Variants in EYA2 observed in about 807,000 individuals in gnomAD.
EYA2 encodes the protein protein phosphatase EYA2.
Under a neutral mutation model 69.2 loss-of-function variants are expected in EYA2, and 31 were observed. The ratio of observed to expected loss-of-function variants is 0.45; its 90% CI spans 0.34 to 0.60. EYA2 has a LOEUF of 0.60. Ranked by LOEUF, EYA2 falls within the 20% of genes least tolerant of loss-of-function variation. The pLI is 0.02. For synonymous variants in EYA2, 257 were observed against 279.4 expected (o/e 0.92, Z 0.80); for missense variants, 622 against 701.2 (o/e 0.89, Z 1.28).
intron 7 of EYA2, among the ~76,000 whole-genome samples, chr20:47,083,936 G>A (rs1427199175): frequency 6.6e-6 from 1 of 152,116 alleles, no homozygotes; most frequent in Non-Finnish European, 1.5e-5. Context: ...TAATAAGAAA[G>A]CAAACAATCT....
intron 4 of EYA2, among the ~76,000 whole-genome samples, chr20:47,012,802 A>C (rs1311745893): frequency 6.6e-6 from 1 of 152,202 alleles, no homozygotes; most frequent in Non-Finnish European, 1.5e-5. Context: ...CCAAATTAAA[A>C]TGTTTTAAAA....
chr20:46,921,583 C>T (rs1344297791), intron 1 of EYA2, among the ~76,000 whole-genome samples: 2 of 152,176 alleles, frequency 1.3e-5, no homozygotes, highest in African/African-American at 4.8e-5. Flanking sequence ...GGAACTGGAC[C>T]CAGGTTGAAT....
At chr20:47,161,219 C>T (rs924193832) in intron 10 of EYA2, 3 of 487,020 alleles carry the variant, frequency 6.2e-6, no homozygotes, top group South Asian at 1.9e-5. Context: ...CTTGCTCCCC[C>T]AGTAGCCTCT....
At chr20:47,025,879 G>T (rs1984050685) in intron 5 of EYA2, among the ~76,000 whole-genome samples, 1 of 152,160 alleles carries the variant, frequency 6.6e-6, no homozygotes, top group Admixed American at 6.5e-5. Flanking sequence ...GTGAAGAAAT[G>T]GTGTCTCAGG....
intron 4 of EYA2, among the ~76,000 whole-genome samples, chr20:47,014,628 ATGTGTGTGTG>A (rs56005987): frequency 0.013 from 1,819 of 144,702 alleles, 26 homozygotes; most frequent in African/African-American, 0.033. Flanking sequence ...TGTGCACAAA[ATGTGTGTGTG>A]TGTGTGTGTG....
At chr20:46,939,502 G>GAA (rs1250718164) in intron 1 of EYA2, among the ~76,000 whole-genome samples, 11 of 152,044 alleles carry the variant, frequency 7.2e-5, no homozygotes, top group African/African-American at 2.7e-4. Context: ...TACCCCTAGG[G>GAA]GTTCCAGTTA....
chr20:47,123,927 G>A (rs2033114031), intron 9 of EYA2, among the ~76,000 whole-genome samples: 2 of 151,948 alleles, frequency 1.3e-5, no homozygotes, highest in African/African-American at 4.8e-5. Flanking sequence ...AAGAGGCAGA[G>A]GTTGCAGTGT....
chr20:46,900,981 A>G (rs932159350), intron 1 of EYA2, among the ~76,000 whole-genome samples: 1 of 152,190 alleles, frequency 6.6e-6, no homozygotes, highest in Non-Finnish European at 1.5e-5. Flanking sequence ...CAGGGTGAAA[A>G]CCACTAGTTC....
At chr20:46,919,534 C>T (rs1985087095) in intron 1 of EYA2, among the ~76,000 whole-genome samples, 1 of 152,244 alleles carries the variant, frequency 6.6e-6, no homozygotes, top group Admixed American at 6.5e-5. Context: ...GCAGCTTCCT[C>T]ATTTCTCTCA....
intron 5 of EYA2, among the ~76,000 whole-genome samples, chr20:47,032,577 A>G (rs1600655778): frequency 1.3e-5 from 2 of 152,118 alleles, no homozygotes; most frequent in Admixed American, 1.3e-4. Context: ...TTTTTCGCCA[A>G]TTAACATGTC....
intron 9 of EYA2, among the ~76,000 whole-genome samples, chr20:47,120,519 G>C (rs1432944577): frequency 1.3e-5 from 2 of 152,222 alleles, no homozygotes; most frequent in African/African-American, 2.4e-5. Flanking sequence ...TAGCCCGTGT[G>C]CCCAATGCGG....
At chr20:47,096,307 A>C (rs981242455) in intron 8 of EYA2, among the ~76,000 whole-genome samples, 1 of 152,234 alleles carries the variant, frequency 6.6e-6, no homozygotes, top group African/African-American at 2.4e-5. Context: ...ATTACTAGTT[A>C]CCAACTTTTA....
chr20:46,975,705 A>C (rs1344049589), intron 1 of EYA2, among the ~76,000 whole-genome samples: 4 of 152,098 alleles, frequency 2.6e-5, no homozygotes, highest in African/African-American at 9.7e-5. Flanking sequence ...ACCTGAGGTC[A>C]GGTGTTCGAG....
At chr20:47,031,779 A>G (rs536772128) in intron 5 of EYA2, among the ~76,000 whole-genome samples, 1 of 152,308 alleles carries the variant, frequency 6.6e-6, no homozygotes, top group Admixed American at 6.5e-5. Flanking sequence ...TTGAAAAGTC[A>G]TAGATGAAAT....
intron 1 of EYA2, among the ~76,000 whole-genome samples, chr20:46,910,441 G>A (rs779592573): frequency 1.3e-5 from 2 of 152,138 alleles, no homozygotes; most frequent in Admixed American, 1.3e-4. Flanking sequence ...ATTTCAACAT[G>A]AGACTTGGGT....
At chr20:46,992,623 A>G (rs893570550) in intron 2 of EYA2, among the ~76,000 whole-genome samples, 1 of 152,196 alleles carries the variant, frequency 6.6e-6, no homozygotes, top group Non-Finnish European at 1.5e-5. Flanking sequence ...ATTCTCCCAC[A>G]GTGGTGAAAT....
intron 10 of EYA2, among the ~76,000 whole-genome samples, chr20:47,148,058 C>CAAAGAAA (rs2033742996): frequency 1.2e-5 from 1 of 82,838 alleles, no homozygotes; most frequent in Admixed American, 1.3e-4. Flanking sequence ...GACTCTGTCT[C>CAAAGAAA]AAAAAAAAAA....
intron 5 of EYA2, among the ~76,000 whole-genome samples, chr20:47,017,421 G>C (rs1983476615): frequency 6.6e-6 from 1 of 152,108 alleles, no homozygotes; most frequent in Non-Finnish European, 1.5e-5. Flanking sequence ...GTGCGCTGCT[G>C]TACCCAGCTT....
intron 11 of EYA2, among the ~76,000 whole-genome samples, chr20:47,169,902 T>A (rs1003104938): frequency 6.6e-5 from 10 of 152,020 alleles, no homozygotes; most frequent in African/African-American, 2.4e-4. Flanking sequence ...ATATATATAT[T>A]TTTTTCTTTT....
Sources: allele counts gnomAD v4.1 joint callset (sites outside exome capture counted in the v4.1 genomes callset), GRCh38; gene constraint gnomAD v4.1.1; transcripts MANE v1.5; gene names NCBI Gene and HGNC (gene_info 2026-07-23, HGNC 2026-07-21).